PIK3R5: variants seen among roughly 807,000 people sequenced by gnomAD.
The protein encoded by PIK3R5 is phosphoinositide-3-kinase regulatory subunit 5.
A neutral mutation model predicts 94.9 loss-of-function variants in PIK3R5; 32 were observed. The ratio of observed to expected loss-of-function variants is 0.34; its 90% CI spans 0.25 to 0.45. The LOEUF (loss-of-function observed/expected upper bound fraction) is 0.45, where lower values mean the gene tolerates loss of function less well. Among genes scored for constraint, PIK3R5 ranks in the 20% least tolerant of loss-of-function variants. The pLI is 1.00. For synonymous variants in PIK3R5, 443 were observed against 479.4 expected (o/e 0.92, Z 0.99); for missense variants, 853 against 1,144.6 (o/e 0.75, Z 3.68).
chr17:8,900,085 G>A (rs1214773245), intron 5 of PIK3R5, among the ~76,000 whole-genome samples: 2 of 151,928 alleles, frequency 1.3e-5, no homozygotes, highest in African/African-American at 2.4e-5. Flanking sequence ...GCTCATTTAA[G>A]GGTCATGTAG....
At chr17:8,903,069 T>C (rs1250480641) in intron 5 of PIK3R5, among the ~76,000 whole-genome samples, 1 of 152,186 alleles carries the variant, frequency 6.6e-6, no homozygotes, top group Non-Finnish European at 1.5e-5. Context: ...GGTCTCGAAC[T>C]CCTGACCTCA....
In PIK3R5 at chr17:8,892,301, C is replaced by G. The variant is rs1002909700; in HGVS notation, c.482+1285G>C. Among the ~76,000 whole-genome samples the G allele has an allele frequency of 8.5e-5, 13 of 152,278 alleles. No individual in the cohort carries two copies. Among genetic ancestry groups the G allele is most frequent in the African/African-American group, 2.9e-4 (12 of 41,558 alleles). On this transcript the variant is annotated intron_variant, in intron 6 of 18. Transcript: ENST00000447110. The surrounding 1 kb of genome is among the most constrained non-coding windows in gnomAD (Gnocchi z 4.3). ...CTATCTGTAAGAAAAAGGAGGTGGG[C>G]TTGTATAAGCAGCCCCTTACAACCT... is the stretch of plus-strand genomic sequence containing the variant.
chr17:8,948,136 T>G (rs952999287), intron 1 of PIK3R5, among the ~76,000 whole-genome samples: 6 of 142,700 alleles, frequency 4.2e-5, no homozygotes, highest in Non-Finnish European at 9.2e-5. Flanking sequence ...ATTTTCAGAG[T>G]CCAAACCAGA....
intron 1 of PIK3R5, among the ~76,000 whole-genome samples, chr17:8,949,480 A>G (rs967779603): frequency 6.6e-6 from 1 of 152,244 alleles, no homozygotes; most frequent in African/African-American, 2.4e-5. Context: ...GCTACCGATT[A>G]TCTTTGAAGA....
rs572489907 is a variant in PIK3R5, at chr17:8,889,309, C to A, written c.812-87G>T. ...CAGTCCCCTTGCCTTGGAGAAGAGA[C>A]CAGAGATGGGACAGGATCGGCACAA... On this transcript the variant is annotated intron_variant, in intron 8 of 18. Transcript: ENST00000447110. This position sits in a 1 kb window ranked among gnomAD's most constrained non-coding sequence, Gnocchi z 4.1. 5 of 944,226 alleles carry A rather than the reference C, an allele frequency of 5.3e-6. No homozygotes were observed. The highest frequency in any genetic ancestry group is 5.1e-5 in the East Asian group (2 of 39,392). The allele number at this position is 944,226 out of a possible 1,614,324, so 58.5% of individuals were successfully genotyped here.
In PIK3R5 at chr17:8,921,561, A is replaced by G. The variant is rs79983688; in HGVS notation, c.-13-10054T>C. ...TAGGTAAAGTGGTTAGGCACAAATT[A>G]ATATAGAAATCAATATTATCTAACT... On this transcript the variant is annotated intron_variant, in intron 1 of 18. Coordinates refer to ENST00000447110, the MANE Select transcript of PIK3R5 (RefSeq NM_001142633.3). Among the ~76,000 whole-genome samples the G allele has an allele frequency of 1.5e-3, 236 of 152,366 alleles. 1 individual carries two copies. Among genetic ancestry groups the G allele is most frequent in the African/African-American group, 5.2e-3 (216 of 41,572 alleles).
chr17:8,884,770 C>T lies in PIK3R5; in HGVS notation c.2142G>A (p.Lys714=). The T allele has an allele frequency of 6.2e-7, 1 of 1,613,124 alleles. No individual in the cohort carries two copies. Among genetic ancestry groups the T allele is most frequent in the Non-Finnish European group, 8.5e-7 (1 of 1,179,586 alleles). ...RAIKASGPGS[K]RLGIDGDREA... ...CCCGGTCGCCATCGATGCCCAGCCG[C>T]TTGCTGCCAGGACCTGTGCCACACA... Residue 714 remains lysine (K), a synonymous_variant, in exon 15 of 19, where the codon AAG becomes AAA. Coordinates refer to ENST00000447110, the MANE Select transcript of PIK3R5 (RefSeq NM_001142633.3). This position sits in a 1 kb window ranked among gnomAD's most constrained non-coding sequence, Gnocchi z 5.8.
At chr17:8,930,080 A>G (rs1954809194) in intron 1 of PIK3R5, among the ~76,000 whole-genome samples, 4 of 152,240 alleles carry the variant, frequency 2.6e-5, no homozygotes, top group Admixed American at 2.6e-4. Context: ...CAACACTATC[A>G]GTCAACAGGA....
chr17:8,942,959 G>A (rs1490855756), intron 1 of PIK3R5, among the ~76,000 whole-genome samples: 4 of 38,754 alleles, frequency 1.0e-4, no homozygotes, highest in Non-Finnish European at 1.6e-4. Flanking sequence ...AGCAGATCAC[G>A]TCATACACAC....
intron 1 of PIK3R5, among the ~76,000 whole-genome samples, chr17:8,923,385 G>C (rs777334078): frequency 2.6e-5 from 4 of 152,162 alleles, no homozygotes; most frequent in Non-Finnish European, 5.9e-5. Flanking sequence ...ACCGTTCTAG[G>C]TGTTTCTATG....
intron 1 of PIK3R5, among the ~76,000 whole-genome samples, chr17:8,943,343 C>T (rs2091219717): frequency 6.6e-6 from 1 of 152,154 alleles, no homozygotes; most frequent in South Asian, 2.1e-4. Flanking sequence ...TCCTGCCTTG[C>T]CTTGGCCTCC....
rs974893803 is a variant in PIK3R5, at chr17:8,890,974, C to T, written c.483-62G>A. 2 of 1,504,106 alleles carry T rather than the reference C, an allele frequency of 1.3e-6. No individual in the cohort carries two copies. Among genetic ancestry groups the T allele is most frequent in the East Asian group, 2.3e-5 (1 of 43,156 alleles). 93.2% of individuals were successfully genotyped at this position (1,504,106 alleles called of 1,614,324 possible). On this transcript the variant is annotated intron_variant, in intron 6 of 18. Transcript: ENST00000447110. The surrounding 1 kb of genome is among the most constrained non-coding windows in gnomAD (Gnocchi z 6.1). The stretch of plus-strand genomic sequence containing the variant: ...TGCGCAGCATGCCACAGTGCAGCCA[C>T]CCCCCTCGTGCCTGCTGGTGCTCAG...
intron 5 of PIK3R5, among the ~76,000 whole-genome samples, chr17:8,897,323 A>G (rs1356508969): frequency 6.6e-6 from 1 of 152,094 alleles, no homozygotes; most frequent in Admixed American, 6.5e-5. Flanking sequence ...TACTGGGGGG[A>G]AGGAACCCAC....
At chr17:8,942,097 C>T (rs1057225663) in intron 1 of PIK3R5, among the ~76,000 whole-genome samples, 1 of 152,086 alleles carries the variant, frequency 6.6e-6, no homozygotes, top group East Asian at 1.9e-4. Context: ...ACAACGGGGC[C>T]CTCATCTCCC....
At chr17:8,923,877 TTCCCCTCCCCTCCCC>T (rs577513403) in intron 1 of PIK3R5, among the ~76,000 whole-genome samples, 41 of 120,210 alleles carry the variant, frequency 3.4e-4, no homozygotes, top group Non-Finnish European at 5.8e-4. Flanking sequence ...TTCCCTTCCC[TTCCCCTCCCCTCCCC>T]TCCCCTCCCC....
chr17:8,899,315 C>CA (rs2090224062), intron 5 of PIK3R5, among the ~76,000 whole-genome samples: 1 of 152,226 alleles, frequency 6.6e-6, no homozygotes. Context: ...ATTTCCATGG[C>CA]AACTGGGTCC....
At chr17:8,948,062 A>AT (rs1442687880) in intron 1 of PIK3R5, among the ~76,000 whole-genome samples, 2 of 146,088 alleles carry the variant, frequency 1.4e-5, no homozygotes, top group African/African-American at 5.3e-5. Flanking sequence ...AAAAAAAAAA[A>AT]AAAAGAAAAG....
chr17:8,899,061 G>A (rs1021193636), intron 5 of PIK3R5, among the ~76,000 whole-genome samples: 2 of 152,190 alleles, frequency 1.3e-5, no homozygotes, highest in Admixed American at 1.3e-4. Flanking sequence ...GGAAAGTATT[G>A]TGGTCGGCAC....
intron 1 of PIK3R5, among the ~76,000 whole-genome samples, chr17:8,938,225 T>C (rs1205959463): frequency 6.6e-6 from 1 of 152,260 alleles, no homozygotes; most frequent in Non-Finnish European, 1.5e-5. Flanking sequence ...CCTATTCAGA[T>C]AATCTACTTC....
Sources: allele counts gnomAD v4.1 joint callset (sites outside exome capture counted in the v4.1 genomes callset), GRCh38; gene constraint gnomAD v4.1.1; non-coding constraint Gnocchi (gnomAD v3.1); transcripts MANE v1.5; gene names NCBI Gene and HGNC (gene_info 2026-07-23, HGNC 2026-07-21).